The following MVB12B variants were observed in gnomAD, a reference collection of about 807,000 sequenced individuals.
MVB12B encodes the protein ESCRT-I complex subunit MVB12B.
MVB12B carries 16 observed loss-of-function variants against 41.6 expected under a neutral mutation model. That is an observed-to-expected ratio of 0.38 (90% CI 0.26 to 0.58). MVB12B has a LOEUF of 0.58. Among genes scored for constraint, MVB12B ranks in the 20% least tolerant of loss-of-function variants. MVB12B has a pLI of 0.62. For synonymous variants in MVB12B, 133 were observed against 139.7 expected (o/e 0.95, Z 0.34); for missense variants, 274 against 380.2 (o/e 0.72, Z 2.32).
chr9:126,471,270 T>A (rs1311179427), intron 7 of MVB12B, among the ~76,000 whole-genome samples: 1 of 152,208 alleles, frequency 6.6e-6, no homozygotes, highest in East Asian at 1.9e-4. Flanking sequence ...TATCCTCATA[T>A]GACAGATGAA....
intron 9 of MVB12B, among the ~76,000 whole-genome samples, chr9:126,492,451 G>A (rs1421342389): frequency 6.6e-6 from 1 of 152,042 alleles, no homozygotes; most frequent in Non-Finnish European, 1.5e-5. Flanking sequence ...GCTATTGGAA[G>A]TCCCACCAGT....
chr9:126,432,904 C>T (rs1832366500), intron 7 of MVB12B, among the ~76,000 whole-genome samples: 1 of 152,194 alleles, frequency 6.6e-6, no homozygotes, highest in Admixed American at 6.5e-5. Flanking sequence ...GTGTACTGGG[C>T]CTCAGCACTG....
At chr9:126,394,001 C>T (rs1831033299) in intron 5 of MVB12B, among the ~76,000 whole-genome samples, 2 of 152,240 alleles carry the variant, frequency 1.3e-5, no homozygotes, top group South Asian at 4.1e-4. Flanking sequence ...ATGCAGGGAG[C>T]AGGTACCACA....
chr9:126,449,733 C>G (rs979621357), intron 7 of MVB12B, among the ~76,000 whole-genome samples: 1 of 152,192 alleles, frequency 6.6e-6, no homozygotes, highest in African/African-American at 2.4e-5. Context: ...CCTCTCCTGA[C>G]TGGCCTTACC....
chr9:126,434,259 T>C (rs1457373257), intron 7 of MVB12B, among the ~76,000 whole-genome samples: 1 of 152,148 alleles, frequency 6.6e-6, no homozygotes, highest in Non-Finnish European at 1.5e-5. Flanking sequence ...AAAAAAAATC[T>C]TCAATCCTGC....
At position 126,386,140 on chromosome 9, in the gene MVB12B, G is replaced by T. The variant is rs750595794; in HGVS notation, c.313-422G>T. ...CTGGTGATCACTTAGGAGAGTGATT[G>T]GTTCCCTGTTAGGTTTAGATGCAGC... On this transcript the variant is annotated intron_variant, in intron 3 of 9. Transcript: ENST00000361171. This position sits in a 1 kb window ranked among gnomAD's most constrained non-coding sequence, Gnocchi z 4.3. Among the ~76,000 whole-genome samples, 3 of 152,182 alleles carry T rather than the reference G, an allele frequency of 2.0e-5. No individual in the cohort carries two copies. Among genetic ancestry groups the T allele is most frequent in the African/African-American group, 7.2e-5 (3 of 41,436 alleles).
At chr9:126,377,651 CA>C (rs1386672367) in intron 2 of MVB12B, among the ~76,000 whole-genome samples, 2 of 151,892 alleles carry the variant, frequency 1.3e-5, no homozygotes, top group African/African-American at 2.4e-5. Context: ...GTGCTTGGCA[CA>C]GGGGGTAAAA....
chr9:126,381,426 C>G (rs1432247826), intron 3 of MVB12B, among the ~76,000 whole-genome samples: 1 of 152,116 alleles, frequency 6.6e-6, no homozygotes, highest in African/African-American at 2.4e-5. Flanking sequence ...ATTTCTCTCC[C>G]AGCTCTCATT....
chr9:126,378,837 G>T (rs908947854), intron 2 of MVB12B, among the ~76,000 whole-genome samples: 6 of 152,150 alleles, frequency 3.9e-5, no homozygotes, highest in African/African-American at 1.4e-4. Context: ...AAACAGAGGG[G>T]CTCACGTTGC....
intron 4 of MVB12B, among the ~76,000 whole-genome samples, chr9:126,387,592 C>T (rs1486076741): frequency 2.6e-5 from 4 of 152,158 alleles, no homozygotes; most frequent in Non-Finnish European, 4.4e-5. Flanking sequence ...CAGCAGACCC[C>T]GTTGTATAGC....
intron 1 of MVB12B, among the ~76,000 whole-genome samples, chr9:126,331,791 G>A (rs1016999679): frequency 6.6e-6 from 1 of 152,194 alleles, no homozygotes; most frequent in African/African-American, 2.4e-5. Flanking sequence ...CCTCTGCTCT[G>A]CCTGACTTTC....
At chr9:126,331,079 T>G (rs1461579011) in intron 1 of MVB12B, among the ~76,000 whole-genome samples, 1 of 152,200 alleles carries the variant, frequency 6.6e-6, no homozygotes, top group Non-Finnish European at 1.5e-5. Flanking sequence ...GGGTCTACAA[T>G]TCTCTTTGAG....
At position 126,386,632 on chromosome 9, in the gene MVB12B, T is replaced by C; in HGVS notation, c.383T>C (p.Ile128Thr). 1 of 1,613,928 alleles carries C rather than the reference T, an allele frequency of 6.2e-7. No individual in the cohort carries two copies. The highest frequency in any genetic ancestry group is 8.5e-7 in the Non-Finnish European group (1 of 1,179,836). Residue 128 changes from isoleucine (I) to threonine (T), a missense_variant, in exon 4 of 10, where the codon ATC (isoleucine) becomes ACC (threonine). Coordinates refer to ENST00000361171, the MANE Select transcript of MVB12B (RefSeq NM_033446.3). The surrounding 1 kb of genome is among the most constrained non-coding windows in gnomAD (Gnocchi z 4.3). ...DIKDTLPVGF[I>T]PIQETVDTQE... ...AAGGACACACTGCCTGTGGGCTTCA[T>C]CCCAATTCAGGAGACGGTGGACACA...
chr9:126,466,248 G>C (rs1169978764), intron 7 of MVB12B, among the ~76,000 whole-genome samples: 1 of 152,168 alleles, frequency 6.6e-6, no homozygotes, highest in East Asian at 1.9e-4. Context: ...GCCTTACCTG[G>C]GGATGCTCGT....
chr9:126,497,819 T>G (rs1381950287), intron 9 of MVB12B, among the ~76,000 whole-genome samples: 1 of 152,244 alleles, frequency 6.6e-6, no homozygotes, highest in Non-Finnish European at 1.5e-5. Flanking sequence ...CAGCTGGCCC[T>G]GCAGCTGCTG....
intron 6 of MVB12B, chr9:126,397,079 T>A: frequency 1.0e-6 from 1 of 985,534 alleles, no homozygotes; most frequent in Non-Finnish European, 1.2e-6. Context: ...TCACCTGTGC[T>A]GAGGCCCATC....
At chr9:126,450,166 A>G (rs1832863011) in intron 7 of MVB12B, among the ~76,000 whole-genome samples, 1 of 152,222 alleles carries the variant, frequency 6.6e-6, no homozygotes, top group South Asian at 2.1e-4. Context: ...CCATCAGGTG[A>G]TGAGTCCTGC....
chr9:126,438,214 G>A (rs1405975369), intron 7 of MVB12B, among the ~76,000 whole-genome samples: 1 of 152,156 alleles, frequency 6.6e-6, no homozygotes, highest in Admixed American at 6.5e-5. Flanking sequence ...GCTAAGGGAG[G>A]AGCCTTCTTT....
intron 7 of MVB12B, among the ~76,000 whole-genome samples, chr9:126,444,487 G>A (rs1453150601): frequency 6.6e-6 from 1 of 152,024 alleles, no homozygotes; most frequent in Middle Eastern, 3.4e-3. Flanking sequence ...TGTGTTACTC[G>A]AGACCTTTGC....
Sources: gnomAD v4.1 joint callset for allele counts (sites outside exome capture counted in the v4.1 genomes callset) on GRCh38, gnomAD v4.1.1 for gene constraint, Gnocchi (gnomAD v3.1) non-coding constraint, MANE v1.5 for transcripts, NCBI Gene and HGNC (gene_info 2026-07-23, HGNC 2026-07-21) for gene names.